The following LMBRD2 variants were observed in gnomAD, a reference collection of about 807,000 sequenced individuals.
LMBRD2 encodes LMBR1 domain containing 2, also known as G protein-coupled receptor-associated protein LMBRD2.
LMBRD2 carries 55 observed loss-of-function variants against 94.4 expected under a neutral mutation model. The ratio of observed to expected loss-of-function variants is 0.58; its 90% confidence interval spans 0.47 to 0.73. The LOEUF is 0.73. LMBRD2 is among the 30% of genes least tolerant of loss of function. The probability of loss-of-function intolerance (pLI) is 0.00; values close to 1 mark genes in which losing one functional copy is unlikely to be tolerated. For missense variants in LMBRD2, 640 were observed against 831.9 expected, an observed-to-expected ratio of 0.77 and a Z score of 2.84; for synonymous variants, 246 against 272.4, an observed-to-expected ratio of 0.90 and a Z score of 0.95.
Position 36,112,975 on chromosome 5 carries a change from A to T in LMBRD2, c.1640+1449T>A, listed in dbSNP as rs555110165. The stretch of plus-strand genomic sequence containing the variant: ...GATCTGTTACTGTCTCCACCTAAAG[A>T]AAACACTAAAAATATCAGATTTGCT... On this transcript the variant is annotated intron_variant, in intron 13 of 17. Coordinates refer to ENST00000296603, the MANE Select transcript of LMBRD2 (RefSeq NM_001007527.2). 1.6e-4 allele frequency among the ~76,000 whole-genome samples: 24 copies of T among 152,282 alleles called. No individual in the cohort carries two copies. In the East Asian group the frequency reaches 4.6e-3, roughly 29 times the overall value.
In LMBRD2 at chr5:36,131,578, GA is replaced by G. The variant is rs1268045609; in HGVS notation, c.747+4730del. Among the ~76,000 whole-genome samples, 5 of 151,964 alleles carry G rather than the reference GA, an allele frequency of 3.3e-5. No individual in the cohort carries two copies. The East Asian group carries it at 7.7e-4, about 23-fold the overall frequency. Reference sequence around the variant, plus strand: ...TTTCAGGTGATAAATCTCACATTTGGAAAAACCTAAAAACTCCACCAAAAAA... The same window carrying G: ...TTTCAGGTGATAAATCTCACATTTGGAAAACCTAAAAACTCCACCAAAAAA... On this transcript the variant is annotated intron_variant, in intron 6 of 17. Coordinates refer to ENST00000296603, the MANE Select transcript of LMBRD2 (RefSeq NM_001007527.2).
chr5:36,134,344 T>C (rs1329710935), intron 6 of LMBRD2, among the ~76,000 whole-genome samples: 1 of 152,130 alleles, frequency 6.6e-6, no homozygotes, highest in Non-Finnish European at 1.5e-5. Flanking sequence ...TATTCATTCA[T>C]TTAAAAAATG....
intron 8 of LMBRD2, 68 bp downstream of exon 8, chr5:36,122,780 T>G (rs1027262932): frequency 6.6e-7 from 1 of 1,506,262 alleles, no homozygotes; most frequent in Non-Finnish European, 8.8e-7. Flanking sequence ...TTCCTTTTTT[T>G]ATGAGCAATG....
At chr5:36,114,176 TA>T (rs1206669455) in intron 13 of LMBRD2, among the ~76,000 whole-genome samples, 1 of 152,154 alleles carries the variant, frequency 6.6e-6, no homozygotes, top group African/African-American at 2.4e-5. Context: ...TTTTTTAGCC[TA>T]AATAGAATAA....
At chr5:36,138,551 C>T (rs534506711) in intron 4 of LMBRD2, among the ~76,000 whole-genome samples, 2 of 152,256 alleles carry the variant, frequency 1.3e-5, no homozygotes, top group East Asian at 1.9e-4. Flanking sequence ...CTGGGGAGTG[C>T]GGGATGACTA....
At position 36,141,124 on chromosome 5, in the gene LMBRD2, C is replaced by T. The variant is rs201265945; in HGVS notation, c.351G>A (p.Thr117=). 5.1e-5 allele frequency: 82 copies of T among 1,593,698 alleles called. No individual in the cohort carries two copies. Among genetic ancestry groups the T allele is most frequent in the South Asian group, 1.4e-4 (12 of 88,682 alleles). Residue 117 remains threonine, a synonymous_variant, in exon 4 of 18, where the codon ACG becomes ACA. Coordinates refer to ENST00000296603, the MANE Select transcript of LMBRD2 (RefSeq NM_001007527.2). ...TAACTTACCATGTTAAAAATTGTGA[C>T]GTCCAATACACTACCCTCCAGAAAA... The part of the protein sequence containing the change: ...MPIFWRVVYW[T]SQFLTWILLP...
chr5:36,143,737 A>C (rs180993550), intron 1 of LMBRD2, among the ~76,000 whole-genome samples: 4 of 152,070 alleles, frequency 2.6e-5, no homozygotes, highest in African/African-American at 4.8e-5. Flanking sequence ...TTGTTTCTTA[A>C]TATTATAAGT....
intron 12 of LMBRD2, 50 bp downstream of exon 12, chr5:36,114,965 C>A: frequency 8.6e-7 from 1 of 1,167,172 alleles, no homozygotes; most frequent in Non-Finnish European, 1.3e-6. Flanking sequence ...AATAACAGCA[C>A]CTCATATAGA....
intron 15 of LMBRD2, among the ~76,000 whole-genome samples, chr5:36,109,524 GA>G (rs1247859239): frequency 6.6e-6 from 1 of 151,934 alleles, no homozygotes; most frequent in Non-Finnish European, 1.5e-5. Flanking sequence ...TTTTCTTCAG[GA>G]GGGTAGTTTG....
At position 36,136,195 on chromosome 5, in the gene LMBRD2, A is replaced by T. The variant is rs117280042; in HGVS notation, c.747+114T>A. 4.3e-4 allele frequency: 390 copies of T among 912,518 alleles called. 5 individuals carry two copies. The East Asian group carries it at 7.3e-3, about 17-fold the overall frequency. The allele number at this position is 912,518 out of a possible 1,614,324, so 56.5% of individuals were successfully genotyped here. On this transcript the variant is annotated intron_variant, in intron 6 of 17. Coordinates refer to ENST00000296603, the MANE Select transcript of LMBRD2 (RefSeq NM_001007527.2). ...ACATCCTGAAGGATTGCACAACACCAGTTTTGCAGTCTGAAGCCCATCAAT... is the reference window on the plus strand; with the variant it reads ...ACATCCTGAAGGATTGCACAACACCTGTTTTGCAGTCTGAAGCCCATCAAT...
rs931946587 is a variant in LMBRD2, at chr5:36,151,294, C to G, written c.-58+262G>C. Among the ~76,000 whole-genome samples, 4 of 152,202 alleles carry G rather than the reference C, an allele frequency of 2.6e-5. No individual in the cohort carries two copies. The highest frequency in any genetic ancestry group is 5.9e-5 in the Non-Finnish European group (4 of 68,038). ...AGTCCTTTCATTTATTCCCATGTTG[C>G]TATTTATGAGACCTGTCAAGGCTGC... is the stretch of plus-strand genomic sequence containing the variant. On this transcript the variant is annotated intron_variant, in intron 1 of 17. Transcript: ENST00000296603. This position sits in a 1 kb window ranked among gnomAD's most constrained non-coding sequence, Gnocchi z 4.7.
intron 7 of LMBRD2, among the ~76,000 whole-genome samples, chr5:36,123,378 T>G (rs960656376): frequency 6.6e-6 from 1 of 152,122 alleles, no homozygotes; most frequent in Non-Finnish European, 1.5e-5. Flanking sequence ...GCATTTAAAG[T>G]CATCTTCCAT....
At chr5:36,149,431 A>C (rs1744633902) in intron 1 of LMBRD2, among the ~76,000 whole-genome samples, 1 of 152,210 alleles carries the variant, frequency 6.6e-6, no homozygotes, top group Non-Finnish European at 1.5e-5. Context: ...AAGTCTTGAG[A>C]TAGGTGGTTA....
intron 13 of LMBRD2, among the ~76,000 whole-genome samples, chr5:36,114,200 ATTAT>A (rs1305629908): frequency 6.6e-6 from 1 of 152,124 alleles, no homozygotes; most frequent in African/African-American, 2.4e-5. Flanking sequence ...TTAAAATAGT[ATTAT>A]TTATTATAAT....
chr5:36,142,350 GA>G, intron 3 of LMBRD2, 151 bp downstream of exon 3: 2 of 459,552 alleles, frequency 4.4e-6, no homozygotes, highest in East Asian at 6.9e-5. Flanking sequence ...ATGATGTAAT[GA>G]AAAGTCTACT....
intron 6 of LMBRD2, among the ~76,000 whole-genome samples, chr5:36,126,448 A>G (rs943069527): frequency 2.0e-5 from 3 of 152,226 alleles, no homozygotes; most frequent in Non-Finnish European, 4.4e-5. Context: ...TTCATACAAA[A>G]TAATGTAACT....
At position 36,101,671 on chromosome 5, in the gene LMBRD2, A is replaced by G. The variant is rs1001085657; in HGVS notation, c.*2375T>C. 6.6e-6 allele frequency: 1 copy of G among 151,920 alleles called. No homozygotes were observed. The highest frequency in any genetic ancestry group is 1.5e-5 in the Non-Finnish European group (1 of 67,848). 9.4% of individuals were successfully genotyped at this position (151,920 alleles called of 1,614,324 possible). On this transcript the variant is annotated 3_prime_UTR_variant, in exon 18 of 18. Coordinates refer to ENST00000296603, the MANE Select transcript of LMBRD2 (RefSeq NM_001007527.2). ...GAACTCAAATTTATCCAACAAAATA[A>G]CATTTTTATATGATTGTATATAACA...
intron 1 of LMBRD2, among the ~76,000 whole-genome samples, chr5:36,150,063 T>C (rs1233894386): frequency 5.9e-5 from 9 of 152,226 alleles, no homozygotes. Flanking sequence ...TGTACCAATT[T>C]AAACTTGCAT....
chr5:36,104,020 A>G lies in LMBRD2; in HGVS notation c.*26T>C, dbSNP rs370049697. 3.2e-6 allele frequency: 5 copies of G among 1,560,352 alleles called. No individual in the cohort carries two copies. Among genetic ancestry groups the G allele is most frequent in the Non-Finnish European group, 3.5e-6 (4 of 1,133,632 alleles). ...CTGAACTGATGTGTTGACCTTGGTT[A>G]GTGGTCCCACAAACTTTTTCAGACT... On this transcript the variant is annotated 3_prime_UTR_variant, in exon 18 of 18. Coordinates refer to ENST00000296603, the MANE Select transcript of LMBRD2 (RefSeq NM_001007527.2).
Sources: gnomAD v4.1 joint callset for allele counts (sites outside exome capture counted in the v4.1 genomes callset) on GRCh38, gnomAD v4.1.1 for gene constraint, Gnocchi (gnomAD v3.1) non-coding constraint, MANE v1.5 for transcripts, NCBI Gene and HGNC (gene_info 2026-07-23, HGNC 2026-07-21) for gene names.